Variants in TMCO5A observed in about 807,000 individuals in gnomAD.
TMCO5A encodes transmembrane and coiled-coil domains 5A.
A neutral mutation model predicts 42.3 loss-of-function variants in TMCO5A; 34 were observed. That is an observed-to-expected ratio of 0.80 (90% confidence interval 0.61 to 1.07). The LOEUF is 1.07. Among genes scored for constraint, TMCO5A ranks in the 50% least tolerant of loss-of-function variants. The pLI is 0.00. For missense variants in TMCO5A, 357 were observed against 327.9 expected (o/e 1.09, Z -0.69); for synonymous variants, 131 against 115.6 (o/e 1.13, Z -0.86).
At chr15:37,962,268 A>G (rs1890449340) in intron 11 of TMCO5A, among the ~76,000 whole-genome samples, 1 of 152,108 alleles carries the variant, frequency 6.6e-6, no homozygotes, top group African/African-American at 2.4e-5. Flanking sequence ...TATTTTGTCA[A>G]ACGCTTTTTC....
Position 37,943,615 on chromosome 15 carries a change from G to C in TMCO5A, c.627+217G>C, listed in dbSNP as rs549836867. The C allele has an allele frequency of 1.7e-4, 88 of 515,424 alleles. 1 individual carries two copies. The highest frequency in any genetic ancestry group is 1.5e-3 in the African/African-American group (75 of 51,580). The allele number at this position is 515,424 out of a possible 1,614,324, so 31.9% of individuals were successfully genotyped here. The stretch of plus-strand genomic sequence containing the variant: ...TCTCATTCAGCCATACAAATAACAG[G>C]CTCTCAAAAAACTAGCCGAAGACCT... On this transcript the variant is annotated intron_variant, in intron 10 of 11. Transcript: ENST00000319669.
chr15:37,937,836 C>T (rs562591250), intron 5 of TMCO5A, among the ~76,000 whole-genome samples: 1 of 152,214 alleles, frequency 6.6e-6, no homozygotes, highest in South Asian at 2.1e-4. Flanking sequence ...ATACAGTGGG[C>T]TTCCAATGAC....
the TMCO5A span, among the ~76,000 whole-genome samples, chr15:38,031,812 T>A: frequency 1.3e-5 from 2 of 152,294 alleles, no homozygotes; most frequent in Non-Finnish European, 2.9e-5. Context: ...GAGTAATTTA[T>A]TATCCAGCAA....
the TMCO5A span, among the ~76,000 whole-genome samples, chr15:38,039,446 C>T: frequency 6.6e-6 from 1 of 152,174 alleles, no homozygotes; most frequent in Non-Finnish European, 1.5e-5. Flanking sequence ...TAAATAGTAG[C>T]TCTCATTACA....
chr15:38,030,318 C>T, the TMCO5A span, among the ~76,000 whole-genome samples: 2 of 152,168 alleles, frequency 1.3e-5, no homozygotes, highest in African/African-American at 4.8e-5. Flanking sequence ...GAAGATTAAG[C>T]CATGATCCTA....
chr15:37,952,586 G>T (rs1313102835), downstream of TMCO5A, among the ~76,000 whole-genome samples: 2 of 152,216 alleles, frequency 1.3e-5, no homozygotes, highest in Non-Finnish European at 2.9e-5. Context: ...ACTATGTGGA[G>T]GGCTTTAGGT....
the TMCO5A span, among the ~76,000 whole-genome samples, chr15:38,037,120 A>T: frequency 2.0e-5 from 3 of 152,212 alleles, no homozygotes; most frequent in African/African-American, 7.2e-5. Flanking sequence ...TTGTGGAAAT[A>T]CCAGCGAGGT....
downstream of TMCO5A, among the ~76,000 whole-genome samples, chr15:37,972,112 G>C (rs1475675222): frequency 2.0e-5 from 3 of 152,188 alleles, no homozygotes; most frequent in East Asian, 5.8e-4. Context: ...ATTTACAAAA[G>C]AAAGAGGTTT....
At chr15:37,983,130 CA>C in the TMCO5A span, among the ~76,000 whole-genome samples, 1 of 152,082 alleles carries the variant, frequency 6.6e-6, no homozygotes, top group East Asian at 1.9e-4. Flanking sequence ...GCAAGTGTGT[CA>C]GCAGACCCAG....
the TMCO5A span, among the ~76,000 whole-genome samples, chr15:38,029,931 G>A: frequency 6.6e-6 from 1 of 152,120 alleles, no homozygotes; most frequent in Non-Finnish European, 1.5e-5. Context: ...GTTATGGTAA[G>A]AAATCGCAGC....
downstream of TMCO5A, among the ~76,000 whole-genome samples, chr15:37,956,086 A>G (rs1393990572): frequency 6.6e-6 from 1 of 152,224 alleles, no homozygotes; most frequent in African/African-American, 2.4e-5. Context: ...TCAGGGACAC[A>G]TTTAAAGCAA....
At chr15:37,941,560 G>T (rs899448103) in intron 7 of TMCO5A, 111 bp from the exon 8 acceptor site, 184 of 835,174 alleles carry the variant, frequency 2.2e-4, no homozygotes, top group Non-Finnish European at 3.0e-4. Flanking sequence ...AACATATTTA[G>T]AACAATTAGA....
At chr15:37,953,730 A>T (rs1890217724), downstream of TMCO5A, among the ~76,000 whole-genome samples, 1 of 152,098 alleles carries the variant, frequency 6.6e-6, no homozygotes, top group South Asian at 2.1e-4. Context: ...GGCACCAGGG[A>T]CCAATCCTGG....
chr15:38,024,137 T>C, the TMCO5A span, among the ~76,000 whole-genome samples: 1 of 152,208 alleles, frequency 6.6e-6, no homozygotes, highest in South Asian at 2.1e-4. Flanking sequence ...GGGACAATGG[T>C]CTCTGGTTTT....
At chr15:38,039,605 C>CATTTTCTCATTCT in the TMCO5A span, among the ~76,000 whole-genome samples, 14 of 152,310 alleles carry the variant, frequency 9.2e-5, no homozygotes, top group Admixed American at 8.5e-4. Flanking sequence ...GTATACCCCA[C>CATTTTCTCATTCT]AGGTATAGAT....
At chr15:37,971,931 C>G (rs1043364598), downstream of TMCO5A, among the ~76,000 whole-genome samples, 1 of 152,222 alleles carries the variant, frequency 6.6e-6, no homozygotes, top group Non-Finnish European at 1.5e-5. Context: ...CCCACATTTT[C>G]CTGTCTTCTT....
the TMCO5A span, among the ~76,000 whole-genome samples, chr15:38,029,968 A>G: frequency 6.6e-6 from 1 of 152,158 alleles, no homozygotes; most frequent in African/African-American, 2.4e-5. Flanking sequence ...CTTTACCACC[A>G]TATAAAACCT....
At chr15:38,039,051 G>A in the TMCO5A span, among the ~76,000 whole-genome samples, 1 of 152,152 alleles carries the variant, frequency 6.6e-6, no homozygotes, top group African/African-American at 2.4e-5. Flanking sequence ...GATATGACAA[G>A]GACAGTCAAG....
At chr15:38,008,845 C>T in the TMCO5A span, among the ~76,000 whole-genome samples, 1 of 152,138 alleles carries the variant, frequency 6.6e-6, no homozygotes, top group Admixed American at 6.5e-5. Flanking sequence ...ATCGTTTAGC[C>T]ACCTGCACAC....
Sources: gnomAD v4.1 joint callset for allele counts (sites outside exome capture counted in the v4.1 genomes callset) on GRCh38, gnomAD v4.1.1 for gene constraint, MANE v1.5 for transcripts, NCBI Gene and HGNC (gene_info 2026-07-23, HGNC 2026-07-21) for gene names.